Variants in ZFYVE16 observed in about 807,000 individuals in gnomAD.
The protein encoded by ZFYVE16 is zinc finger FYVE domain-containing protein 16.
In ZFYVE16, 89 loss-of-function variants were observed where a neutral mutation model predicts 138.1. That is an observed-to-expected ratio of 0.64 (90% CI 0.54 to 0.77). The LOEUF (loss-of-function observed/expected upper bound fraction) is 0.77, where lower values mean the gene tolerates loss of function less well. ZFYVE16 is among the 30% of genes least tolerant of loss of function. The probability of loss-of-function intolerance (pLI) is 0.00; values close to 1 mark genes in which losing one functional copy is unlikely to be tolerated. For synonymous variants in ZFYVE16, 596 were observed against 618.3 expected (o/e 0.96, Z 0.53); for missense variants, 1,793 against 1,786.7 (o/e 1.00, Z -0.06).
At chr5:80,431,917 G>T (rs1749088985) in intron 2 of ZFYVE16, among the ~76,000 whole-genome samples, 1 of 152,120 alleles carries the variant, frequency 6.6e-6, no homozygotes, top group Admixed American at 6.6e-5. Flanking sequence ...ACAAACCACT[G>T]CTCAATGAAA....
At chr5:80,453,768 A>T (rs141195139) in intron 11 of ZFYVE16, among the ~76,000 whole-genome samples, 26 of 152,258 alleles carry the variant, frequency 1.7e-4, no homozygotes, top group African/African-American at 5.8e-4. Flanking sequence ...GCTAATGTGA[A>T]AGTTAAAGTC....
chr5:80,446,549 G>A (rs1425907933), intron 7 of ZFYVE16, among the ~76,000 whole-genome samples: 3 of 151,954 alleles, frequency 2.0e-5, no homozygotes, highest in Non-Finnish European at 4.4e-5. Flanking sequence ...TGTGTGTTTT[G>A]ATATGTTATT....
At chr5:80,444,406 A>G (rs1456130801) in intron 6 of ZFYVE16, among the ~76,000 whole-genome samples, 1 of 151,758 alleles carries the variant, frequency 6.6e-6, no homozygotes, top group Non-Finnish European at 1.5e-5. Context: ...AAATTTTTTC[A>G]GAGTTATCTT....
intron 1 of ZFYVE16, among the ~76,000 whole-genome samples, chr5:80,424,403 G>A (rs926124807): frequency 6.6e-6 from 1 of 151,228 alleles, no homozygotes; most frequent in Admixed American, 6.6e-5. Flanking sequence ...TTGTCTCTGA[G>A]AATATTAATT....
In ZFYVE16 at chr5:80,438,424, A is replaced by G. The variant is rs778982211; in HGVS notation, c.1739A>G (p.Asn580Ser). 3 of 1,613,948 alleles carry G rather than the reference A, an allele frequency of 1.9e-6. No individual in the cohort carries two copies. Among genetic ancestry groups the G allele is most frequent in the Admixed American group, 1.7e-5 (1 of 60,006 alleles). ...GGAAACATCAATAATATATATTTCA[A>G]TGCAGAAGCAGGAGCTATTGGGGAA... The part of the protein sequence containing the change: ...DDGNINNIYF[N>S]AEAGAIGESH... The change falls in exon 4 of 19, where the codon AAT becomes AGT. Residue 580 changes from asparagine to serine, a missense_variant. Physicochemically the swap from Asn to Ser is conservative, Grantham distance 46. This residue lies in a region of ZFYVE16 where 1,295 missense variants were observed against 1,204.3 expected (regional missense o/e 1.08). Transcript: ENST00000505560.
At chr5:80,441,616 G>T (rs1006190851) in intron 5 of ZFYVE16, 1 of 985,408 alleles carries the variant, frequency 1.0e-6, no homozygotes, top group Non-Finnish European at 1.2e-6. Flanking sequence ...GGAAGAAAAA[G>T]ATAATTTGAA....
intron 11 of ZFYVE16, chr5:80,454,075 A>G (rs1752260467): frequency 6.6e-6 from 1 of 152,170 alleles, no homozygotes; most frequent in African/African-American, 2.4e-5. Flanking sequence ...TTTCACACTA[A>G]TATCTTGTAT....
At chr5:80,415,724 G>C (rs1350040259) in intron 1 of ZFYVE16, among the ~76,000 whole-genome samples, 2 of 152,034 alleles carry the variant, frequency 1.3e-5, no homozygotes, top group Non-Finnish European at 2.9e-5. Context: ...CTGGAGTGCA[G>C]TGGTGCGATC....
chr5:80,435,321 C>T lies in ZFYVE16; in HGVS notation c.70+1104C>T, dbSNP rs149721879. ...GTGCTGGGATTACAGGCCTGAGCCA[C>T]CAGGCCCGGCCTAATTTTTGTATTT... is the stretch of plus-strand genomic sequence containing the variant. On this transcript the variant is annotated intron_variant, in intron 3 of 18. Coordinates refer to ENST00000505560, the MANE Select transcript of ZFYVE16 (RefSeq NM_001284236.3). Among the ~76,000 whole-genome samples the T allele has an allele frequency of 5.3e-3, 803 of 152,274 alleles. 4 individuals carry two copies. The highest frequency in any genetic ancestry group is 0.018 in the African/African-American group (741 of 41,542).
rs1164567969 is a variant in ZFYVE16 at position 80,480,173 on chromosome 5, AT to A, written c.*2797del. ...AAGCAATGAAAACAAACTCACAGATATAGGTATTAGATTTGTTTTCTTTGTT... is the reference window on the plus strand; with the variant it reads ...AAGCAATGAAAACAAACTCACAGATAAGGTATTAGATTTGTTTTCTTTGTT... On this transcript the variant is annotated 3_prime_UTR_variant, in exon 19 of 19. Transcript: ENST00000505560. Among the ~76,000 whole-genome samples the A allele has an allele frequency of 6.6e-6, 1 of 152,026 alleles. No homozygotes were observed. Among genetic ancestry groups the A allele is most frequent in the East Asian group, 1.9e-4 (1 of 5,188 alleles).
intron 2 of ZFYVE16, among the ~76,000 whole-genome samples, chr5:80,428,925 G>T (rs940306922): frequency 6.6e-6 from 1 of 152,086 alleles, no homozygotes; most frequent in East Asian, 1.9e-4. Flanking sequence ...AAAAAGAAAC[G>T]AACAAAGCCT....
At position 80,482,902 on chromosome 5, in the gene ZFYVE16, G is replaced by C. The variant is rs1356110143; in HGVS notation, c.*5525G>C. ...TTTTTATGAGATGGAGTCTCACTCT[G>C]TTGCCCAGGCTGGAATGGATTGGTG... is the stretch of plus-strand genomic sequence containing the variant. On this transcript the variant is annotated 3_prime_UTR_variant, in exon 19 of 19. Coordinates refer to ENST00000505560, the MANE Select transcript of ZFYVE16 (RefSeq NM_001284236.3). 3.4e-5 allele frequency: 5 copies of C among 147,646 alleles called. No homozygotes were observed. The highest frequency in any genetic ancestry group is 7.4e-5 in the Non-Finnish European group (5 of 67,224). The allele number at this position is 147,646 out of a possible 1,614,324, so 9.1% of individuals were successfully genotyped here.
chr5:80,447,289 A>AG (rs1192618253), intron 7 of ZFYVE16, among the ~76,000 whole-genome samples: 5 of 142,636 alleles, frequency 3.5e-5, no homozygotes, highest in African/African-American at 1.3e-4. Flanking sequence ...AAAAAAAAAA[A>AG]AGAGAGAAAA....
rs1271069476 is a variant in ZFYVE16 at position 80,438,661 on chromosome 5, C to G, written c.1976C>G (p.Thr659Arg). The change falls in exon 4 of 19, where the codon ACA (threonine) becomes AGA (arginine). Residue 659 changes from threonine to arginine, a missense_variant. Thr to Arg is a moderately conservative substitution (Grantham distance 71). Around this residue, in one of 2 missense-constraint regions of ZFYVE16, gnomAD observed 1,295 missense variants for 1,204.3 expected, o/e 1.08. Coordinates refer to ENST00000505560, the MANE Select transcript of ZFYVE16 (RefSeq NM_001284236.3). The part of the protein sequence containing the change: ...PKQLFSLPSR[T>R]RSSKDLNKPD... ...CAATTGTTTAGCCTTCCATCAAGAA[C>G]AAGGAGTTCAAAGGACCTGAATAAG... 1.2e-6 allele frequency: 2 copies of G among 1,614,080 alleles called. No homozygotes were observed. The highest frequency in any genetic ancestry group is 1.7e-6 in the Non-Finnish European group (2 of 1,179,980).
chr5:80,450,441 C>T lies in ZFYVE16; in HGVS notation c.3237C>T (p.Asp1079=). 2.5e-6 allele frequency: 4 copies of T among 1,613,122 alleles called. No individual in the cohort carries two copies. The highest frequency in any genetic ancestry group is 1.3e-5 in the African/African-American group (1 of 75,002). The change falls in exon 10 of 19, where the codon GAC becomes GAT. Residue 1079 remains aspartate, a synonymous_variant. Coordinates refer to ENST00000505560, the MANE Select transcript of ZFYVE16 (RefSeq NM_001284236.3). Reference sequence around the variant, plus strand: ...CTTTTATCATCTAAGATTCCTCAGACAAATATTGGTACTTTTCAACCAATG... The same window carrying T: ...CTTTTATCATCTAAGATTCCTCAGATAAATATTGGTACTTTTCAACCAATG... ...VNVKFIFYSS[D]KYWYFSTNGL... is the part of the protein sequence containing the mutation.
In ZFYVE16 at chr5:80,438,434, A is replaced by G. The variant is rs955301488; in HGVS notation, c.1749A>G (p.Ala583=). The G allele has an allele frequency of 3.2e-5, 51 of 1,613,834 alleles. No homozygotes were observed. The Middle Eastern group carries it at 4.9e-4, about 16-fold the overall frequency. The change falls in exon 4 of 19, where the codon GCA becomes GCG. Residue 583 remains alanine (A), a synonymous_variant. Coordinates refer to ENST00000505560, the MANE Select transcript of ZFYVE16 (RefSeq NM_001284236.3). Reference sequence around the variant, plus strand: ...ATAATATATATTTCAATGCAGAAGCAGGAGCTATTGGGGAAAGTCATGGTA... The same window carrying G: ...ATAATATATATTTCAATGCAGAAGCGGGAGCTATTGGGGAAAGTCATGGTA... The part of the protein sequence containing the change: ...NINNIYFNAE[A]GAIGESHGIN...
In ZFYVE16 at chr5:80,473,750, A is replaced by G. The variant is rs1290763721; in HGVS notation, c.4188-4A>G. ...ATTCTATTGTATTATGTTTTATTTC[A>G]TAGAGTTATCAGTTCAGTGGATGGA... is the stretch of plus-strand genomic sequence containing the variant. On this transcript the variant is annotated splice_polypyrimidine_tract_variant and splice_region_variant and intron_variant, in intron 16 of 18. Transcript: ENST00000505560. The G allele has an allele frequency of 6.3e-7, 1 of 1,591,428 alleles. No individual in the cohort carries two copies. The highest frequency in any genetic ancestry group is 2.2e-5 in the East Asian group (1 of 44,528).
At chr5:80,440,941 GTC>G in intron 5 of ZFYVE16, 2 of 985,214 alleles carry the variant, frequency 2.0e-6, no homozygotes, top group Non-Finnish European at 2.4e-6. Flanking sequence ...TCTGATGTGA[GTC>G]TGTTAGCCTG....
Position 80,436,695 on chromosome 5 carries a change from A to G in ZFYVE16, c.71-61A>G, listed in dbSNP as rs568186194. 4.3e-6 allele frequency: 6 copies of G among 1,391,710 alleles called. No individual in the cohort carries two copies. The East Asian group carries it at 9.5e-5, about 22-fold the overall frequency. 86.2% of individuals were successfully genotyped at this position (1,391,710 alleles called of 1,614,324 possible). On this transcript the variant is annotated intron_variant, in intron 3 of 18. Transcript: ENST00000505560. ...TAGTTTAGAAGTCTTGGGAAACATA[A>G]TATGTTTAATAATTTTTATTTGATT...
Sources: allele counts gnomAD v4.1 joint callset (sites outside exome capture counted in the v4.1 genomes callset), GRCh38; gene constraint gnomAD v4.1.1; regional missense constraint gnomAD v4.1.1; transcripts MANE v1.5; gene names NCBI Gene and HGNC (gene_info 2026-07-23, HGNC 2026-07-21).